The following NSD1 variants were observed in gnomAD, a reference collection of about 807,000 sequenced individuals.
The protein encoded by NSD1 is nuclear receptor binding SET domain protein 1.
A neutral mutation model predicts 242.7 loss-of-function variants in NSD1; 26 were observed. That is an observed-to-expected ratio of 0.11 (90% CI 0.08 to 0.15). The LOEUF is 0.15. Among genes scored for constraint, NSD1 ranks in the 10% least tolerant of loss-of-function variants. The probability of loss-of-function intolerance (pLI) is 1.00; values close to 1 mark genes in which losing one functional copy is unlikely to be tolerated. For missense variants in NSD1, 2,495 were observed against 3,272.8 expected, an observed-to-expected ratio of 0.76 and a Z score of 5.80; for synonymous variants, 1,106 against 1,178.1, an observed-to-expected ratio of 0.94 and a Z score of 1.25.
intron 14 of NSD1, chr5:177,266,776 C>A (rs1757518449): frequency 4.2e-6 from 1 of 240,748 alleles, no homozygotes; most frequent in East Asian, 8.6e-5. Context: ...TTGAATCATG[C>A]TCATTTCTGG....
chr5:177,158,819 C>G (rs1185473753), intron 2 of NSD1, among the ~76,000 whole-genome samples: 1 of 64,570 alleles, frequency 1.5e-5, no homozygotes, highest in African/African-American at 2.4e-4. Flanking sequence ...GAGACTTCAT[C>G]TCAAAAAAAA....
chr5:177,216,348 T>C (rs1319996384), intron 5 of NSD1, among the ~76,000 whole-genome samples: 1 of 152,126 alleles, frequency 6.6e-6, no homozygotes, highest in Non-Finnish European at 1.5e-5. Flanking sequence ...TTTTTTTCCA[T>C]TTTTGCTTTT....
chr5:177,177,602 A>C lies in NSD1; in HGVS notation c.928-14282A>C, dbSNP rs146403632. 1.8e-3 allele frequency among the ~76,000 whole-genome samples: 270 copies of C among 152,220 alleles called. 2 individuals carry two copies. Among genetic ancestry groups the C allele is most frequent in the African/African-American group, 6.1e-3 (252 of 41,548 alleles). On this transcript the variant is annotated intron_variant, in intron 2 of 22. Transcript: ENST00000439151. ...GAGGTTGAGGCTGGAGTGAGCGATG[A>C]CCATGCCACTGCACTCCAGCCTGGG...
intron 3 of NSD1, among the ~76,000 whole-genome samples, chr5:177,199,002 G>C (rs1762308802): frequency 1.3e-5 from 2 of 152,176 alleles, no homozygotes; most frequent in Non-Finnish European, 1.5e-5. Context: ...ATATGTAGTA[G>C]GTCCCCAATT....
chr5:177,263,512 A>G (rs1339117230), intron 14 of NSD1, among the ~76,000 whole-genome samples: 1 of 152,220 alleles, frequency 6.6e-6, no homozygotes, highest in Non-Finnish European at 1.5e-5. Context: ...CTCGCAGTAA[A>G]AGCATGGCAG....
In NSD1 at chr5:177,211,661, G is replaced by A. The variant is rs1266853879; in HGVS notation, c.3262G>A (p.Glu1088Lys). 6.2e-7 allele frequency: 1 copy of A among 1,613,998 alleles called. No homozygotes were observed. Among genetic ancestry groups the A allele is most frequent in the Admixed American group, 1.7e-5 (1 of 59,992 alleles). The change falls in exon 5 of 23, where the codon GAG (glutamate) becomes AAG (lysine). Residue 1088 changes from glutamate (E) to lysine (K), a missense_variant. By Grantham distance (56) the Glu-to-Lys change is moderately conservative. Coordinates refer to ENST00000439151, the MANE Select transcript of NSD1 (RefSeq NM_022455.5). ...LRGGAEDPSK[E>K]DPLQIMGHLT... ...AGGTGGGGCAGAAGATCCTAGTAAA[G>A]AGGATCCCCTTCAGATAATGGGCCA...
At chr5:177,276,894 T>G (rs1437275385) in intron 17 of NSD1, among the ~76,000 whole-genome samples, 1 of 152,184 alleles carries the variant, frequency 6.6e-6, no homozygotes, top group East Asian at 1.9e-4. Flanking sequence ...AATTAAGAAT[T>G]TCAAAACCTA....
intron 2 of NSD1, among the ~76,000 whole-genome samples, chr5:177,147,078 A>G (rs1295911330): frequency 6.6e-6 from 1 of 151,702 alleles, no homozygotes; most frequent in African/African-American, 2.4e-5. Flanking sequence ...CCGTTTTAAA[A>G]CTACATCCAT....
At chr5:177,182,061 A>C (rs1760735662) in intron 2 of NSD1, among the ~76,000 whole-genome samples, 1 of 151,716 alleles carries the variant, frequency 6.6e-6, no homozygotes, top group Non-Finnish European at 1.5e-5. Flanking sequence ...CCGAGGTAGG[A>C]GAATGGTGTG....
intron 18 of NSD1, 96 bp from the exon 19 acceptor site, chr5:177,282,369 G>A: frequency 1.2e-6 from 1 of 816,120 alleles, no homozygotes. Flanking sequence ...CTGCTTTGTA[G>A]AATGTGATGT....
intron 4 of NSD1, among the ~76,000 whole-genome samples, chr5:177,208,311 A>G (rs1287152108): frequency 1.3e-5 from 2 of 152,140 alleles, no homozygotes; most frequent in Non-Finnish European, 2.9e-5. Flanking sequence ...GATGAAGCCT[A>G]GGAGATGGCT....
At chr5:177,256,821 G>C in intron 12 of NSD1, 130 bp from the exon 13 acceptor site, 1 of 737,644 alleles carries the variant, frequency 1.4e-6, no homozygotes, top group Admixed American at 2.0e-5. Context: ...TACTAAGATT[G>C]TTACAGTGGG....
chr5:177,242,652 G>A (rs191594795), intron 8 of NSD1, among the ~76,000 whole-genome samples: 97 of 151,832 alleles, frequency 6.4e-4, no homozygotes, highest in African/African-American at 1.9e-3. Context: ...CCCAGCCTCC[G>A]AAGTAGCTGG....
At chr5:177,175,230 C>A (rs927798130) in intron 2 of NSD1, among the ~76,000 whole-genome samples, 1 of 152,154 alleles carries the variant, frequency 6.6e-6, no homozygotes, top group African/African-American at 2.4e-5. Context: ...AATGTGGTCA[C>A]AGAAGATTTG....
intron 3 of NSD1, among the ~76,000 whole-genome samples, chr5:177,192,798 G>A (rs1175159473): frequency 2.0e-5 from 3 of 152,130 alleles, no homozygotes; most frequent in African/African-American, 7.2e-5. Context: ...CCCAAAGTAT[G>A]GGGATTACAG....
intron 14 of NSD1, chr5:177,265,442 C>T (rs1319723174): frequency 3.3e-5 from 20 of 611,304 alleles, no homozygotes; most frequent in East Asian, 2.5e-4. Context: ...TGTGCCCTCC[C>T]CATCCCCCCA....
rs138336669 is a variant in NSD1 at position 177,254,771 on chromosome 5, A to G, written c.4766-2180A>G. 5.8e-5 allele frequency among the ~76,000 whole-genome samples: 7 copies of G among 121,122 alleles called. No individual in the cohort carries two copies. In the East Asian group the frequency reaches 1.2e-3, roughly 21 times the overall value. The allele number at this position is 121,122 out of a possible 152,430, so 79.5% of individuals were successfully genotyped here. ...GAATTTTTTAGTTTCACATTTCACT[A>G]TTAGGTCTGTGATGTGTTTTGTATT... On this transcript the variant is annotated intron_variant, in intron 12 of 22. Coordinates refer to ENST00000439151, the MANE Select transcript of NSD1 (RefSeq NM_022455.5).
intron 2 of NSD1, among the ~76,000 whole-genome samples, chr5:177,139,784 G>A (rs1378486138): frequency 6.6e-6 from 1 of 152,004 alleles, no homozygotes; most frequent in Non-Finnish European, 1.5e-5. Context: ...GTGAGATCCT[G>A]TCTCTACACT....
rs70991600 is a variant in NSD1, at chr5:177,252,539, C to CTTTT, written c.4765+713_4765+716dup. Among the ~76,000 whole-genome samples the CTTTT allele has an allele frequency of 5.0e-3, 235 of 47,426 alleles. 31 individuals are homozygous for CTTTT. The highest frequency in any genetic ancestry group is 5.3e-3 in the Non-Finnish European group (132 of 24,990). The allele number at this position is 47,426 out of a possible 152,430, so 31.1% of individuals were successfully genotyped here. A position where few individuals can be genotyped will look rare whatever the true frequency, so the allele number is the denominator to read the frequency against. On this transcript the variant is annotated intron_variant, in intron 12 of 22. Transcript: ENST00000439151. ...TAAAGCTGCGCTAAAGTAAAGTGTT[C>CTTTT]TTTTTTTTTTTTTTTTTTTTTTTTT...
Sources: allele counts gnomAD v4.1 joint callset (sites outside exome capture counted in the v4.1 genomes callset), GRCh38; gene constraint gnomAD v4.1.1; transcripts MANE v1.5; gene names NCBI Gene and HGNC (gene_info 2026-07-23, HGNC 2026-07-21).